CFAP61: variants seen among roughly 807,000 people sequenced by gnomAD.
The protein encoded by CFAP61 is cilia- and flagella-associated protein 61.
A neutral mutation model predicts 135.6 loss-of-function variants in CFAP61; 107 were observed. That is an observed-to-expected ratio of 0.79 (90% CI 0.67 to 0.93). The LOEUF (loss-of-function observed/expected upper bound fraction) is 0.93. Among genes scored for constraint, CFAP61 ranks in the 40% least tolerant of loss-of-function variants. CFAP61 has a pLI of 0.00. For synonymous variants in CFAP61, 575 were observed against 578.5 expected, an observed-to-expected ratio of 0.99 and a Z score of 0.09; for missense variants, 1,507 against 1,556.2, an observed-to-expected ratio of 0.97 and a Z score of 0.53.
In CFAP61 at chr20:20,081,707, A is replaced by G. The variant is rs2046445667; in HGVS notation, c.566+6092A>G. ...CTTGAAAACTTGAGTGCTATGGACTATAACCTTCAGTGGACAAGGTTCACA... is the reference window on the plus strand; with the variant it reads ...CTTGAAAACTTGAGTGCTATGGACTGTAACCTTCAGTGGACAAGGTTCACA... On this transcript the variant is annotated intron_variant, in intron 6 of 26. Transcript: ENST00000245957. Among the ~76,000 whole-genome samples the G allele has an allele frequency of 3.3e-5, 5 of 152,306 alleles. No homozygotes were observed. The South Asian group carries it at 1.0e-3, about 32-fold the overall frequency.
intron 26 of CFAP61, among the ~76,000 whole-genome samples, chr20:20,353,044 C>T (rs1306699688): frequency 6.6e-6 from 1 of 152,140 alleles, no homozygotes; most frequent in South Asian, 2.1e-4. Context: ...AACAGGAAAA[C>T]AAATGACCTG....
At chr20:20,142,580 C>T (rs978041043) in intron 8 of CFAP61, among the ~76,000 whole-genome samples, 1 of 152,220 alleles carries the variant, frequency 6.6e-6, no homozygotes, top group African/African-American at 2.4e-5. Flanking sequence ...GTCCGTTGCC[C>T]ATCTTCCCAT....
chr20:20,242,311 C>T (rs2050072682), intron 18 of CFAP61, among the ~76,000 whole-genome samples: 1 of 152,116 alleles, frequency 6.6e-6, no homozygotes, highest in Non-Finnish European at 1.5e-5. Context: ...CAGCATGAAC[C>T]CTATGAAAAG....
intron 26 of CFAP61, among the ~76,000 whole-genome samples, chr20:20,346,647 C>T (rs2058646551): frequency 6.6e-6 from 1 of 152,070 alleles, no homozygotes; most frequent in East Asian, 1.9e-4. Context: ...CAGGCAAAGC[C>T]ACAGCATCAC....
intron 11 of CFAP61, among the ~76,000 whole-genome samples, chr20:20,165,852 T>C (rs2053789049): frequency 6.6e-6 from 1 of 152,230 alleles, no homozygotes; most frequent in Admixed American, 6.5e-5. Flanking sequence ...ATTCTTTTTA[T>C]TCTAATTATG....
chr20:20,311,516 G>A (rs951560063), intron 25 of CFAP61, among the ~76,000 whole-genome samples: 1 of 152,190 alleles, frequency 6.6e-6, no homozygotes, highest in Non-Finnish European at 1.5e-5. Flanking sequence ...GAGTTCCCAG[G>A]CCACAGCAAG....
In CFAP61 at chr20:20,086,000, C is replaced by T. The variant is rs550101554; in HGVS notation, c.567-4844C>T. On this transcript the variant is annotated intron_variant, in intron 6 of 26. Coordinates refer to ENST00000245957, the MANE Select transcript of CFAP61 (RefSeq NM_015585.4). ...TTTCTGCCAAGGTTCTGAGGGCTCA[C>T]GTGGAGAACAAACACTTGCTAAGGA... 8.5e-5 allele frequency among the ~76,000 whole-genome samples: 13 copies of T among 152,266 alleles called. No individual in the cohort carries two copies. In the East Asian group the frequency reaches 2.1e-3, roughly 25 times the overall value.
At chr20:20,238,034 A>AT (rs1464066188) in intron 18 of CFAP61, among the ~76,000 whole-genome samples, 1 of 152,312 alleles carries the variant, frequency 6.6e-6, no homozygotes, top group South Asian at 2.1e-4. Flanking sequence ...CAAAATAAAA[A>AT]TTTTTTTAAA....
chr20:20,266,084 G>C (rs1392156624), intron 21 of CFAP61, among the ~76,000 whole-genome samples: 3 of 152,216 alleles, frequency 2.0e-5, no homozygotes, highest in Admixed American at 6.5e-5. Flanking sequence ...TGTGAGAGGA[G>C]GCCTCGAGGT....
chr20:20,252,994 C>T (rs143621602), intron 20 of CFAP61, among the ~76,000 whole-genome samples: 3 of 152,306 alleles, frequency 2.0e-5, no homozygotes, highest in African/African-American at 7.2e-5. Flanking sequence ...AAGCTGAGAA[C>T]CACAAGCTTG....
chr20:20,142,540 A>C (rs1312391942), intron 8 of CFAP61, among the ~76,000 whole-genome samples: 1 of 152,154 alleles, frequency 6.6e-6, no homozygotes, highest in Non-Finnish European at 1.5e-5. Flanking sequence ...GCAGAGGTTG[A>C]GGGCCTCCTG....
intron 8 of CFAP61, among the ~76,000 whole-genome samples, chr20:20,141,861 C>CGGA (rs1395802979): frequency 2.6e-5 from 4 of 152,158 alleles, no homozygotes; most frequent in African/African-American, 9.7e-5. Context: ...CCCACACTCA[C>CGGA]GGAGACAGCA....
At chr20:20,358,377 T>C (rs187454638) in intron 26 of CFAP61, among the ~76,000 whole-genome samples, 2 of 152,326 alleles carry the variant, frequency 1.3e-5, no homozygotes, top group South Asian at 2.1e-4. Context: ...AATATTTGCC[T>C]GAAATAAACT....
rs1009959589 is a variant in CFAP61 at position 20,164,112 on chromosome 20, G to A, written c.1089G>A (p.Arg363=). 1.2e-6 allele frequency: 2 copies of A among 1,614,072 alleles called. No individual in the cohort carries two copies. The highest frequency in any genetic ancestry group is 1.7e-6 in the Non-Finnish European group (2 of 1,179,962). ...GYAQYHHVSS[R]SLASLVLPEE... ...CACAGTATCACCATGTCAGCAGTAG[G>A]AGCTTGGCATCGCTCGTACTGCCTG... Residue 363 remains arginine, a synonymous_variant, in exon 11 of 27, where the codon AGG becomes AGA. Coordinates refer to ENST00000245957, the MANE Select transcript of CFAP61 (RefSeq NM_015585.4).
chr20:20,154,576 T>C (rs942877394), intron 9 of CFAP61, among the ~76,000 whole-genome samples: 14 of 151,794 alleles, frequency 9.2e-5, no homozygotes, highest in Admixed American at 8.5e-4. Flanking sequence ...CTGAGAATCA[T>C]ATACAGAACT....
intron 20 of CFAP61, among the ~76,000 whole-genome samples, chr20:20,256,244 A>AAAGTAGGT (rs1403850919): frequency 6.6e-6 from 1 of 152,258 alleles, no homozygotes; most frequent in Non-Finnish European, 1.5e-5. Flanking sequence ...GAAAGTTAAG[A>AAAGTAGGT]AAGTAGGTAT....
intron 9 of CFAP61, among the ~76,000 whole-genome samples, chr20:20,146,291 T>C (rs181103364): frequency 1.4e-4 from 22 of 152,314 alleles, no homozygotes; most frequent in Admixed American, 1.2e-3. Flanking sequence ...ATGAGAAATA[T>C]GTAAAATCCA....
intron 21 of CFAP61, among the ~76,000 whole-genome samples, chr20:20,263,753 G>A (rs2147013060): frequency 6.6e-6 from 1 of 152,226 alleles, no homozygotes; most frequent in South Asian, 2.1e-4. Flanking sequence ...AAGAGAGCCT[G>A]GCTACCTTTG....
In CFAP61 at chr20:20,251,765, T is replaced by C; in HGVS notation, c.2328+2T>C. On this transcript the variant is annotated splice_donor_variant, in intron 20 of 26. Coordinates refer to ENST00000245957, the MANE Select transcript of CFAP61 (RefSeq NM_015585.4). LOFTEE classifies it high-confidence loss of function. ...CTCTGCACCGGGCAGCAGTACCAGG[T>C]AAGGCCGGGCACAGGGGGCGCAAGC... The C allele has an allele frequency of 6.2e-7, 1 of 1,613,110 alleles. No homozygotes were observed. The highest frequency in any genetic ancestry group is 8.5e-7 in the Non-Finnish European group (1 of 1,179,986).
Sources: allele counts gnomAD v4.1 joint callset (sites outside exome capture counted in the v4.1 genomes callset), GRCh38; gene constraint gnomAD v4.1.1; transcripts MANE v1.5; gene names NCBI Gene and HGNC (gene_info 2026-07-23, HGNC 2026-07-21).